C7orf78: variants seen among roughly 807,000 people sequenced by gnomAD.
The protein encoded by C7orf78 is putative uncharacterized protein C7orf78.
the C7orf78 span, among the ~76,000 whole-genome samples, chr7:12,532,272 G>A: frequency 7.9e-5 from 12 of 152,126 alleles, no homozygotes; most frequent in Non-Finnish European, 1.2e-4. Context: ...AAACCTGGCC[G>A]GGCATGGTGG....
At chr7:12,529,219 T>C in the C7orf78 span, among the ~76,000 whole-genome samples, 2 of 152,216 alleles carry the variant, frequency 1.3e-5, no homozygotes, top group East Asian at 3.9e-4. Flanking sequence ...TATCTAGAAC[T>C]TTGGATTTTC....
At chr7:12,507,106 C>T in the C7orf78 span, 1 of 279,556 alleles carries the variant, frequency 3.6e-6, no homozygotes, top group South Asian at 3.2e-5. Context: ...CGAGATCATC[C>T]TGGCCAACAT....
At chr7:12,531,765 T>A in the C7orf78 span, among the ~76,000 whole-genome samples, 1 of 152,098 alleles carries the variant, frequency 6.6e-6, no homozygotes, top group Non-Finnish European at 1.5e-5. Context: ...CGTTGTCTTG[T>A]GTTGAGAAAG....
chr7:12,509,779 G>T, the C7orf78 span, among the ~76,000 whole-genome samples: 1 of 152,112 alleles, frequency 6.6e-6, no homozygotes, highest in South Asian at 2.1e-4. Flanking sequence ...CTCCATCCAT[G>T]TTACTGCAAA....
At chr7:12,539,545 T>C in the C7orf78 span, among the ~76,000 whole-genome samples, 1 of 152,174 alleles carries the variant, frequency 6.6e-6, no homozygotes, top group Non-Finnish European at 1.5e-5. Context: ...GTGAGAGTAG[T>C]TGGTCTGGCC....
the C7orf78 span, among the ~76,000 whole-genome samples, chr7:12,499,120 C>A: frequency 6.6e-6 from 1 of 152,188 alleles, no homozygotes; most frequent in Non-Finnish European, 1.5e-5. Context: ...GTACCAGCCA[C>A]TGCAAAATCA....
chr7:12,498,604 CT>C, the C7orf78 span, among the ~76,000 whole-genome samples: 1 of 152,176 alleles, frequency 6.6e-6, no homozygotes, highest in African/African-American at 2.4e-5. Flanking sequence ...AAATCTACGT[CT>C]GATTGGTGTA....
the C7orf78 span, among the ~76,000 whole-genome samples, chr7:12,505,571 T>C: frequency 6.6e-6 from 1 of 152,138 alleles, no homozygotes; most frequent in Non-Finnish European, 1.5e-5. Context: ...TAACTCTGCT[T>C]ATTGAATGCA....
the C7orf78 span, among the ~76,000 whole-genome samples, chr7:12,498,579 C>G: frequency 3.1e-4 from 47 of 152,132 alleles, no homozygotes; most frequent in Non-Finnish European, 4.9e-4. Context: ...AAATATGGGA[C>G]TATGTGAAAA....
At chr7:12,488,834 A>G in the C7orf78 span, among the ~76,000 whole-genome samples, 1 of 151,994 alleles carries the variant, frequency 6.6e-6, no homozygotes, top group Non-Finnish European at 1.5e-5. Flanking sequence ...AATTTTAACA[A>G]TGAAATGTTT....
chr7:12,513,919 A>G, the C7orf78 span, among the ~76,000 whole-genome samples: 49 of 152,204 alleles, frequency 3.2e-4, no homozygotes, highest in African/African-American at 8.0e-4. Flanking sequence ...AGAATGGTGT[A>G]AACCCAGGAG....
the C7orf78 span, among the ~76,000 whole-genome samples, chr7:12,507,793 T>C: frequency 6.6e-6 from 1 of 152,328 alleles, no homozygotes; most frequent in East Asian, 1.9e-4. Flanking sequence ...TTATGTGTAA[T>C]TGCTAGTAGA....
chr7:12,526,972 T>A, the C7orf78 span, among the ~76,000 whole-genome samples: 2 of 150,614 alleles, frequency 1.3e-5, no homozygotes, highest in Admixed American at 6.6e-5. Context: ...GTCACTCACT[T>A]TGGTAGAAAA....
the C7orf78 span, among the ~76,000 whole-genome samples, chr7:12,532,203 A>T: frequency 5.9e-4 from 90 of 152,282 alleles, no homozygotes; most frequent in Non-Finnish European, 1.1e-3. Flanking sequence ...TCTGCAGCTC[A>T]ATTTTACAGG....
At chr7:12,505,462 G>C in the C7orf78 span, among the ~76,000 whole-genome samples, 26 of 152,134 alleles carry the variant, frequency 1.7e-4, no homozygotes, top group African/African-American at 6.3e-4. Flanking sequence ...TTCAGAAAAA[G>C]AAAACATAAA....
the C7orf78 span, chr7:12,483,965 A>G: frequency 7.2e-4 from 109 of 151,942 alleles, 3 homozygotes; most frequent in East Asian, 0.019. Flanking sequence ...AAATTGCTGT[A>G]TGTTTCTCTT....
chr7:12,516,090 T>C, the C7orf78 span, among the ~76,000 whole-genome samples: 2 of 152,178 alleles, frequency 1.3e-5, no homozygotes, highest in African/African-American at 4.8e-5. Flanking sequence ...ATGTCAGATG[T>C]CTTCACAGCA....
At chr7:12,484,442 G>A in the C7orf78 span, among the ~76,000 whole-genome samples, 1 of 152,102 alleles carries the variant, frequency 6.6e-6, no homozygotes, top group Non-Finnish European at 1.5e-5. Flanking sequence ...CTGCAACAGA[G>A]ATAACTCTTC....
chr7:12,515,007 C>A, the C7orf78 span, among the ~76,000 whole-genome samples: 2 of 152,100 alleles, frequency 1.3e-5, no homozygotes, highest in Non-Finnish European at 1.5e-5. Context: ...ATGGAGGTAA[C>A]TTTATAGGTA....
Sources: gnomAD v4.1 joint callset for allele counts (sites outside exome capture counted in the v4.1 genomes callset) on GRCh38, gnomAD v4.1.1 for gene constraint, MANE v1.5 for transcripts, NCBI Gene and HGNC (gene_info 2026-07-23, HGNC 2026-07-21) for gene names.